The following CNOT6 variants were observed in gnomAD, a reference collection of about 807,000 sequenced individuals.
The protein encoded by CNOT6 is CCR4-NOT transcription complex subunit 6, also known as carbon catabolite repression 4 protein.
In CNOT6, 12 loss-of-function variants were observed where a neutral mutation model predicts 61.2. The observed-to-expected ratio is 0.20, with a 90% CI of 0.13 to 0.32. The LOEUF (loss-of-function observed/expected upper bound fraction) is 0.32, where lower values mean the gene tolerates loss of function less well. Among genes scored for constraint, CNOT6 ranks in the 10% least tolerant of loss-of-function variants. The probability of loss-of-function intolerance (pLI) is 1.00; values close to 1 mark genes in which losing one functional copy is unlikely to be tolerated. For synonymous variants in CNOT6, 225 were observed against 240.6 expected (o/e 0.94, Z 0.60); for missense variants, 405 against 663.9 (o/e 0.61, Z 4.28).
intron 2 of CNOT6, among the ~76,000 whole-genome samples, chr5:180,532,690 C>G (rs1288169555): frequency 6.6e-6 from 1 of 152,142 alleles, no homozygotes; most frequent in Non-Finnish European, 1.5e-5. Flanking sequence ...GACTCAGTCC[C>G]CAAGACTGCC....
intron 7 of CNOT6, among the ~76,000 whole-genome samples, chr5:180,566,801 C>T (rs1206424735): frequency 6.6e-6 from 1 of 151,670 alleles, no homozygotes; most frequent in Non-Finnish European, 1.5e-5. Flanking sequence ...TACAGGCATG[C>T]ACCACCATGC....
At chr5:180,496,305 A>T (rs1756612322) in intron 1 of CNOT6, among the ~76,000 whole-genome samples, 1 of 152,228 alleles carries the variant, frequency 6.6e-6, no homozygotes, top group Non-Finnish European at 1.5e-5. Flanking sequence ...TGCTTTAAAC[A>T]AAATACATGA....
rs138760649 is a variant in CNOT6, at chr5:180,542,531, C to T, written c.113-7400C>T. On this transcript the variant is annotated intron_variant, in intron 2 of 11. Transcript: ENST00000261951. Reference sequence around the variant, plus strand: ...CCACCCACCTTGGCCTACCACAGTGCTGGGATTACAGGCGTGAGCCACTGC... The same window carrying T: ...CCACCCACCTTGGCCTACCACAGTGTTGGGATTACAGGCGTGAGCCACTGC... Among the ~76,000 whole-genome samples, 1,232 of 152,340 alleles carry T rather than the reference C, an allele frequency of 8.1e-3. 21 individuals are homozygous for T. Among genetic ancestry groups the T allele is most frequent in the Admixed American group, 0.037 (572 of 15,302 alleles).
chr5:180,574,085 G>A lies in CNOT6; in HGVS notation c.1559G>A (p.Ser520Asn), dbSNP rs1760901590. ...DHHWLVENNI[S>N]GCPHPLIPSD... ...CACTGGCTGGTTGAGAATAACATCA[G>A]TGGCTGCCCGCACCCCCTCATCCCC... Residue 520 changes from serine to asparagine, a missense_variant, in exon 12 of 12, where the codon AGT becomes AAT. Coordinates refer to ENST00000261951, the MANE Select transcript of CNOT6 (RefSeq NM_001370472.1). 8 of 1,613,908 alleles carry A rather than the reference G, an allele frequency of 5.0e-6. No individual in the cohort carries two copies. Among genetic ancestry groups the A allele is most frequent in the Non-Finnish European group, 6.8e-6 (8 of 1,179,956 alleles).
rs1403269839 is a variant in CNOT6, at chr5:180,578,290, CAT to C, written c.*4091_*4092del. 1 of 152,586 alleles carries C rather than the reference CAT, an allele frequency of 6.6e-6. No individual in the cohort carries two copies. The highest frequency in any genetic ancestry group is 2.1e-4 in the South Asian group (1 of 4,820). 9.5% of individuals were successfully genotyped at this position (152,586 alleles called of 1,614,324 possible). ...TACCTCATGATATAAGGAATGGGCT[CAT>C]GTGTCTTCCGTCTTTTGGAAGGAGG... On this transcript the variant is annotated 3_prime_UTR_variant, in exon 12 of 12. Transcript: ENST00000261951.
chr5:180,542,126 T>C (rs893040866), intron 2 of CNOT6, among the ~76,000 whole-genome samples: 4 of 152,208 alleles, frequency 2.6e-5, no homozygotes, highest in African/African-American at 9.6e-5. Flanking sequence ...TAAGAGTCTC[T>C]CGCCATTACT....
At chr5:180,499,132 T>C (rs1288739704) in intron 1 of CNOT6, among the ~76,000 whole-genome samples, 1 of 152,242 alleles carries the variant, frequency 6.6e-6, no homozygotes, top group Non-Finnish European at 1.5e-5. Flanking sequence ...TCTGAGTCTG[T>C]GGTCCCTTAA....
At chr5:180,535,611 C>T (rs1758646655) in intron 2 of CNOT6, among the ~76,000 whole-genome samples, 1 of 152,216 alleles carries the variant, frequency 6.6e-6, no homozygotes, top group South Asian at 2.1e-4. Flanking sequence ...AATAGTGCTA[C>T]AATACACGAG....
chr5:180,559,921 C>T (rs1760083169), intron 4 of CNOT6, among the ~76,000 whole-genome samples: 1 of 151,694 alleles, frequency 6.6e-6, no homozygotes, highest in Non-Finnish European at 1.5e-5. Context: ...ATTTTCTTTA[C>T]ATAAATTTAG....
intron 1 of CNOT6, among the ~76,000 whole-genome samples, chr5:180,527,957 C>CTA (rs1241155378): frequency 6.6e-6 from 1 of 152,192 alleles, no homozygotes; most frequent in Non-Finnish European, 1.5e-5. Flanking sequence ...TGCGATCTAA[C>CTA]TAATGCTTGG....
At chr5:180,504,906 T>G (rs999929149) in intron 1 of CNOT6, among the ~76,000 whole-genome samples, 7 of 152,076 alleles carry the variant, frequency 4.6e-5, no homozygotes, top group African/African-American at 1.7e-4. Flanking sequence ...TTCTTACTGA[T>G]AATTGATAGC....
At chr5:180,557,435 G>A (rs1212409763) in intron 4 of CNOT6, among the ~76,000 whole-genome samples, 3 of 152,208 alleles carry the variant, frequency 2.0e-5, no homozygotes, top group African/African-American at 4.8e-5. Context: ...TCTGGTAGAT[G>A]TGTAGTCATT....
At chr5:180,567,808 C>T (rs1213945061) in intron 8 of CNOT6, 41 bp from the exon 9 acceptor site, 2 of 1,612,466 alleles carry the variant, frequency 1.2e-6, no homozygotes, top group East Asian at 2.2e-5. Context: ...TCTTGGTATT[C>T]CCAACTCTGT....
chr5:180,564,773 T>C (rs774999318), intron 6 of CNOT6, 30 bp downstream of exon 6: 3 of 1,528,846 alleles, frequency 2.0e-6, no homozygotes, highest in South Asian at 2.2e-5. Flanking sequence ...TTAACTGTTA[T>C]TTTTGCTCAG....
chr5:180,513,233 A>T (rs1473641808), intron 1 of CNOT6, among the ~76,000 whole-genome samples: 1 of 151,988 alleles, frequency 6.6e-6, no homozygotes, highest in Non-Finnish European at 1.5e-5. Flanking sequence ...TCTGTCGCTC[A>T]GACTGGAGTG....
chr5:180,515,674 C>T (rs1247960417), intron 1 of CNOT6, among the ~76,000 whole-genome samples: 1 of 152,032 alleles, frequency 6.6e-6, no homozygotes, highest in East Asian at 1.9e-4. Flanking sequence ...AGTGTCACTG[C>T]CTTTTCATAT....
intron 4 of CNOT6, among the ~76,000 whole-genome samples, chr5:180,558,621 CTT>C (rs376607042): frequency 1.3e-4 from 11 of 85,580 alleles, no homozygotes; most frequent in African/African-American, 3.9e-4. Context: ...CTTGTGTTTG[CTT>C]TTTTTTTTTC....
At chr5:180,508,809 T>C (rs1002949732) in intron 1 of CNOT6, among the ~76,000 whole-genome samples, 1 of 136,136 alleles carries the variant, frequency 7.3e-6, no homozygotes, top group Non-Finnish European at 1.5e-5. Context: ...TTTTAATTAA[T>C]TAATTAATTT....
intron 2 of CNOT6, among the ~76,000 whole-genome samples, chr5:180,536,008 T>G (rs940468568): frequency 7.6e-6 from 1 of 132,250 alleles, no homozygotes; most frequent in African/African-American, 2.8e-5. Context: ...TTTTTTTTTT[T>G]TTTTTTTTTG....
Sources: allele counts gnomAD v4.1 joint callset (sites outside exome capture counted in the v4.1 genomes callset), GRCh38; gene constraint gnomAD v4.1.1; transcripts MANE v1.5; gene names NCBI Gene and HGNC (gene_info 2026-07-23, HGNC 2026-07-21).